KIRREL3: variants seen among roughly 807,000 people sequenced by gnomAD.
The protein encoded by KIRREL3 is kin of IRRE-like protein 3.
In KIRREL3, 36 loss-of-function variants were observed where a neutral mutation model predicts 89.7. That is an observed-to-expected ratio of 0.40 (90% CI 0.31 to 0.53). KIRREL3 has a LOEUF of 0.53. Among genes scored for constraint, KIRREL3 ranks in the 20% least tolerant of loss-of-function variants. KIRREL3 has a pLI of 0.49. For missense variants in KIRREL3, 864 were observed against 1,056.6 expected, an observed-to-expected ratio of 0.82 and a Z score of 2.53; for synonymous variants, 445 against 441.4, an observed-to-expected ratio of 1.01 and a Z score of -0.10.
At position 126,624,296 on chromosome 11, in the gene KIRREL3, A is replaced by G. The variant is rs1943690984; in HGVS notation, c.56-61384T>C. Among the ~76,000 whole-genome samples, 1 of 152,164 alleles carries G rather than the reference A, an allele frequency of 6.6e-6. No homozygotes were observed. The highest frequency in any genetic ancestry group is 2.4e-5 in the African/African-American group (1 of 41,460). On this transcript the variant is annotated intron_variant, in intron 1 of 16. Coordinates refer to ENST00000525144, the MANE Select transcript of KIRREL3 (RefSeq NM_032531.4). This position sits in a 1 kb window ranked among gnomAD's most constrained non-coding sequence, Gnocchi z 6.0. The stretch of plus-strand genomic sequence containing the variant: ...GTGGGATCATCAGTTATTCTCCCCA[A>G]ACAGATCATTCTTGTCTTCTCCTCT...
At position 126,842,302 on chromosome 11, in the gene KIRREL3, AG is replaced by A. The variant is rs368985455; in HGVS notation, c.55+158152del. Among the ~76,000 whole-genome samples the A allele has an allele frequency of 1.2e-3, 184 of 152,224 alleles. 3 individuals carry two copies. The South Asian group carries it at 0.036, about 30-fold the overall frequency. On this transcript the variant is annotated intron_variant, in intron 1 of 16. Transcript: ENST00000525144. ...TCAATCGGCCATGTATGAACTTCTA[AG>A]CAATTTCTATGAGCTCATTTTAGAA... is the stretch of plus-strand genomic sequence containing the variant.
chr11:126,620,645 C>T lies in KIRREL3; in HGVS notation c.56-57733G>A, dbSNP rs965173352. On this transcript the variant is annotated intron_variant, in intron 1 of 16. Coordinates refer to ENST00000525144, the MANE Select transcript of KIRREL3 (RefSeq NM_032531.4). This position sits in a 1 kb window ranked among gnomAD's most constrained non-coding sequence, Gnocchi z 4.8. The stretch of plus-strand genomic sequence containing the variant: ...TAGGAAGTTAAATCAAAGGATTTCT[C>T]TACTAAGCAGATGTTACAATTAGTT... Among the ~76,000 whole-genome samples the T allele has an allele frequency of 2.6e-5, 4 of 152,208 alleles. No individual in the cohort carries two copies. The highest frequency in any genetic ancestry group is 4.4e-5 in the Non-Finnish European group (3 of 68,038).
rs1948892036 is a variant in KIRREL3, at chr11:126,955,381, G to T, written c.55+45074C>A. ...TGGGCTCCCTAACAAAGGGGAGGAG[G>T]TTGGAGAGCATTAACAGATTTACTC... is the stretch of plus-strand genomic sequence containing the variant. On this transcript the variant is annotated intron_variant, in intron 1 of 16. Transcript: ENST00000525144. The surrounding 1 kb of genome is among the most constrained non-coding windows in gnomAD (Gnocchi z 4.6). 6.6e-6 allele frequency among the ~76,000 whole-genome samples: 1 copy of T among 152,224 alleles called. No homozygotes were observed. The highest frequency in any genetic ancestry group is 2.1e-4 in the South Asian group (1 of 4,830).
At chr11:126,968,615 A>G (rs1449891043) in intron 1 of KIRREL3, among the ~76,000 whole-genome samples, 2 of 152,190 alleles carry the variant, frequency 1.3e-5, no homozygotes, top group Non-Finnish European at 2.9e-5. Flanking sequence ...AAACTATTCA[A>G]ATTGCTCCTG....
chr11:126,756,902 C>T (rs562656645), intron 1 of KIRREL3, among the ~76,000 whole-genome samples: 16 of 152,290 alleles, frequency 1.1e-4, no homozygotes, highest in South Asian at 6.2e-4. Context: ...GTCCATTTCT[C>T]GAAGGCACCA....
At chr11:126,629,384 G>C (rs1265211634) in intron 1 of KIRREL3, among the ~76,000 whole-genome samples, 2 of 152,138 alleles carry the variant, frequency 1.3e-5, no homozygotes, top group African/African-American at 4.8e-5. Flanking sequence ...GAAGCTCTGG[G>C]GGGAGCTCTG....
chr11:126,583,622 G>A (rs750663045), intron 1 of KIRREL3, among the ~76,000 whole-genome samples: 1 of 152,178 alleles, frequency 6.6e-6, no homozygotes, highest in Admixed American at 6.5e-5. Context: ...GTGGGACCCC[G>A]GGCAAGACAT....
rs557088686 is a variant in KIRREL3 at position 126,611,681 on chromosome 11, G to C, written c.56-48769C>G. Among the ~76,000 whole-genome samples, 1 of 152,164 alleles carries C rather than the reference G, an allele frequency of 6.6e-6. No individual in the cohort carries two copies. The highest frequency in any genetic ancestry group is 2.4e-5 in the African/African-American group (1 of 41,442). ...CAGATGGCTGCTCTCTGGGCTGCAC[G>C]CACGTTGGGTTCACTGATCGCAGAG... is the stretch of plus-strand genomic sequence containing the variant. On this transcript the variant is annotated intron_variant, in intron 1 of 16. Coordinates refer to ENST00000525144, the MANE Select transcript of KIRREL3 (RefSeq NM_032531.4). The surrounding 1 kb of genome is among the most constrained non-coding windows in gnomAD (Gnocchi z 4.7).
intron 1 of KIRREL3, among the ~76,000 whole-genome samples, chr11:126,868,115 G>C (rs1944981860): frequency 6.6e-6 from 1 of 152,072 alleles, no homozygotes; most frequent in Non-Finnish European, 1.5e-5. Flanking sequence ...TTGTCTTTAG[G>C]AGAGTCTCGT....
chr11:126,960,461 CT>C (rs1949051355), intron 1 of KIRREL3, among the ~76,000 whole-genome samples: 1 of 152,146 alleles, frequency 6.6e-6, no homozygotes, highest in African/African-American at 2.4e-5. Context: ...GATCTTAAGA[CT>C]TTGATTTAAA....
chr11:126,436,410 G>C (rs912788986), intron 12 of KIRREL3, among the ~76,000 whole-genome samples: 1 of 152,216 alleles, frequency 6.6e-6, no homozygotes, highest in Non-Finnish European at 1.5e-5. Flanking sequence ...TGTATCCCAC[G>C]CTCCACCCAG....
At chr11:126,735,077 C>T (rs1299708682) in intron 1 of KIRREL3, among the ~76,000 whole-genome samples, 5 of 152,104 alleles carry the variant, frequency 3.3e-5, no homozygotes, top group Non-Finnish European at 2.9e-5. Flanking sequence ...TTGGCTGCTG[C>T]CTGATGGAGG....
chr11:126,753,031 G>A (rs1343956224), intron 1 of KIRREL3, among the ~76,000 whole-genome samples: 1 of 152,138 alleles, frequency 6.6e-6, no homozygotes, highest in African/African-American at 2.4e-5. Context: ...GATCATGATG[G>A]AGACATAAGC....
chr11:126,967,812 TG>T (rs1949314330), intron 1 of KIRREL3, among the ~76,000 whole-genome samples: 1 of 152,034 alleles, frequency 6.6e-6, no homozygotes, highest in Non-Finnish European at 1.5e-5. Context: ...TTGTCGCAGC[TG>T]GGGAGGGGGC....
intron 1 of KIRREL3, among the ~76,000 whole-genome samples, chr11:126,672,751 C>T (rs1946012378): frequency 6.6e-6 from 1 of 152,188 alleles, no homozygotes; most frequent in African/African-American, 2.4e-5. Context: ...AGGGAATTTG[C>T]TATCTAGTCA....
intron 1 of KIRREL3, among the ~76,000 whole-genome samples, chr11:126,964,825 A>T (rs1949215261): frequency 6.6e-6 from 1 of 152,184 alleles, no homozygotes; most frequent in Admixed American, 6.5e-5. Flanking sequence ...CCCCAAGGTG[A>T]ATAAATCTTC....
chr11:126,801,440 T>G (rs936951552), intron 1 of KIRREL3, among the ~76,000 whole-genome samples: 4 of 152,190 alleles, frequency 2.6e-5, no homozygotes, highest in Non-Finnish European at 4.4e-5. Flanking sequence ...ACAAATTCCA[T>G]AACTCAGAGT....
chr11:126,432,662 A>ACTG lies in KIRREL3; in HGVS notation c.1589-1139_1589-1137dup, dbSNP rs1353622566. 6.6e-6 allele frequency among the ~76,000 whole-genome samples: 1 copy of ACTG among 151,880 alleles called. No individual in the cohort carries two copies. Among genetic ancestry groups the ACTG allele is most frequent in the Non-Finnish European group, 1.5e-5 (1 of 67,982 alleles). Reference sequence around the variant, plus strand: ...ATCTCATGTGCTCGGTACCGCCCAGACTGCTGCTGCTCCGAGTCCTGGCTC... The same window carrying ACTG: ...ATCTCATGTGCTCGGTACCGCCCAGACTGCTGCTGCTGCTCCGAGTCCTGGCTC... On this transcript the variant is annotated intron_variant, in intron 13 of 16. Coordinates refer to ENST00000525144, the MANE Select transcript of KIRREL3 (RefSeq NM_032531.4). This position sits in a 1 kb window ranked among gnomAD's most constrained non-coding sequence, Gnocchi z 6.2.
rs1370961421 is a variant in KIRREL3, at chr11:126,694,042, G to A, written c.56-131130C>T. On this transcript the variant is annotated intron_variant, in intron 1 of 16. Coordinates refer to ENST00000525144, the MANE Select transcript of KIRREL3 (RefSeq NM_032531.4). This position sits in a 1 kb window ranked among gnomAD's most constrained non-coding sequence, Gnocchi z 4.4. ...CCACAGGTTGAAGAGGCGGAGGGAA[G>A]CGGCACAGCTCACAGTCACACTAGG... Among the ~76,000 whole-genome samples the A allele has an allele frequency of 6.6e-6, 1 of 152,214 alleles. No individual in the cohort carries two copies. The highest frequency in any genetic ancestry group is 2.4e-5 in the African/African-American group (1 of 41,452).
Sources: allele counts gnomAD v4.1 joint callset (sites outside exome capture counted in the v4.1 genomes callset), GRCh38; gene constraint gnomAD v4.1.1; non-coding constraint Gnocchi (gnomAD v3.1); transcripts MANE v1.5; gene names NCBI Gene and HGNC (gene_info 2026-07-23, HGNC 2026-07-21).